Variants in DNAH7 observed in about 807,000 individuals in gnomAD.
DNAH7 encodes the protein axonemal beta dynein heavy chain 7.
In DNAH7, 397 loss-of-function variants were observed where a neutral mutation model predicts 444.6. The observed-to-expected ratio is 0.89, with a 90% CI of 0.82 to 0.97. The LOEUF (loss-of-function observed/expected upper bound fraction) is 0.97, where lower values mean the gene tolerates loss of function less well. DNAH7 is among the 50% of genes least tolerant of loss of function. The pLI is 0.00. For synonymous variants in DNAH7, 1,636 were observed against 1,624.4 expected (o/e 1.01, Z -0.17); for missense variants, 4,902 against 4,800.8 (o/e 1.02, Z -0.62).
intron 12 of DNAH7, among the ~76,000 whole-genome samples, chr2:195,989,615 C>T (rs767701290): frequency 6.6e-6 from 1 of 152,066 alleles, no homozygotes; most frequent in Non-Finnish European, 1.5e-5. Flanking sequence ...AATATATGTC[C>T]CTGCCAAATC....
intron 52 of DNAH7, 134 bp downstream of exon 52, chr2:195,809,611 C>T: frequency 1.3e-6 from 1 of 798,504 alleles, no homozygotes; most frequent in Admixed American, 4.6e-5. Context: ...TAACATCTTG[C>T]CTTAACTATA....
chr2:195,907,136 T>A (rs936164021), intron 25 of DNAH7, 127 bp from the exon 26 acceptor site: 5 of 660,388 alleles, frequency 7.6e-6, no homozygotes, highest in African/African-American at 1.8e-5. Flanking sequence ...TTCGCCTTTA[T>A]CTTTAAAGGC....
intron 19 of DNAH7, among the ~76,000 whole-genome samples, chr2:195,937,694 T>A (rs1689148034): frequency 6.6e-6 from 1 of 152,162 alleles, no homozygotes; most frequent in South Asian, 2.1e-4. Context: ...TCTTTTTACT[T>A]TTTTTTCTTT....
chr2:196,036,272 G>A (rs1376119205), intron 5 of DNAH7, among the ~76,000 whole-genome samples: 2 of 152,054 alleles, frequency 1.3e-5, no homozygotes, highest in Non-Finnish European at 2.9e-5. Context: ...GACCTCAGGT[G>A]ATCTGTCCAC....
At chr2:195,866,657 A>G (rs1194669731) in intron 40 of DNAH7, among the ~76,000 whole-genome samples, 2 of 152,274 alleles carry the variant, frequency 1.3e-5, no homozygotes, top group Non-Finnish European at 2.9e-5. Flanking sequence ...TGAGGTACTT[A>G]TTCAAAATGC....
chr2:195,971,628 A>C (rs1691848909), intron 16 of DNAH7, among the ~76,000 whole-genome samples: 1 of 152,138 alleles, frequency 6.6e-6, no homozygotes, highest in Non-Finnish European at 1.5e-5. Context: ...AATGTGCAGG[A>C]GACAAGAAGC....
intron 47 of DNAH7, 120 bp downstream of exon 47, chr2:195,844,882 C>T: frequency 1.3e-6 from 1 of 791,932 alleles, no homozygotes; most frequent in Non-Finnish European, 1.9e-6. Flanking sequence ...CTTAATTTCA[C>T]TAATTAGTTA....
chr2:195,850,320 G>A (rs1346438302), intron 46 of DNAH7, among the ~76,000 whole-genome samples: 1 of 151,304 alleles, frequency 6.6e-6, no homozygotes, highest in African/African-American at 2.4e-5. Flanking sequence ...AGAGATGGTA[G>A]AAGTGGAAAA....
intron 52 of DNAH7, among the ~76,000 whole-genome samples, 184 bp from the exon 53 acceptor site, chr2:195,809,060 G>A (rs1696839643): frequency 6.6e-6 from 1 of 152,160 alleles, no homozygotes; most frequent in African/African-American, 2.4e-5. Context: ...ATGATAACCA[G>A]TTTTCAAAAT....
At chr2:195,984,375 G>A (rs1692770540) in intron 15 of DNAH7, among the ~76,000 whole-genome samples, 1 of 152,034 alleles carries the variant, frequency 6.6e-6, no homozygotes, top group Admixed American at 6.5e-5. Flanking sequence ...TTGAGACAGA[G>A]TATTGCTGTG....
intron 25 of DNAH7, among the ~76,000 whole-genome samples, chr2:195,907,552 T>C (rs192841265): frequency 6.6e-6 from 1 of 152,286 alleles, no homozygotes; most frequent in East Asian, 1.9e-4. Flanking sequence ...AGATCTACTT[T>C]TAAAAACATC....
intron 5 of DNAH7, among the ~76,000 whole-genome samples, chr2:196,038,743 A>G (rs1055797176): frequency 1.3e-5 from 2 of 152,206 alleles, no homozygotes; most frequent in East Asian, 1.9e-4. Context: ...CTATACTTCT[A>G]TCAGACAAAA....
intron 19 of DNAH7, among the ~76,000 whole-genome samples, chr2:195,943,635 G>A (rs150145820): frequency 1.2e-3 from 184 of 152,200 alleles, no homozygotes; most frequent in Non-Finnish European, 2.2e-3. Context: ...GGTAGTCTCC[G>A]ATAGTAATTC....
At chr2:195,820,521 A>T (rs923435073) in intron 49 of DNAH7, among the ~76,000 whole-genome samples, 3 of 152,138 alleles carry the variant, frequency 2.0e-5, no homozygotes, top group Non-Finnish European at 2.9e-5. Context: ...CAAAAATTTC[A>T]GCAACTACCA....
intron 15 of DNAH7, among the ~76,000 whole-genome samples, chr2:195,973,474 TG>T (rs1691983882): frequency 1.3e-5 from 2 of 152,122 alleles, no homozygotes; most frequent in Non-Finnish European, 2.9e-5. Flanking sequence ...GTTTTGTTTT[TG>T]TTTTTGTTTT....
chr2:195,922,093 A>G lies in DNAH7; in HGVS notation c.3930T>C (p.Cys1310=). The G allele has an allele frequency of 6.3e-7, 1 of 1,575,066 alleles. No individual in the cohort carries two copies. Among genetic ancestry groups the G allele is most frequent in the Non-Finnish European group, 8.7e-7 (1 of 1,144,724 alleles). ...RLVITPLTDR[C]YRTLFGALHL... ...CCTTAAATTAAAGGGTTTACCTGTA[A>G]CATCTATCCGTGAGTGGTGTAATAA... Residue 1310 remains cysteine (C), a synonymous_variant, in exon 24 of 65, where the codon TGT becomes TGC. Transcript: ENST00000312428.
rs574019228 is a variant in DNAH7, at chr2:195,973,715, G to A, written c.1834-1249C>T. 6.1e-4 allele frequency among the ~76,000 whole-genome samples: 92 copies of A among 152,010 alleles called. 1 individual carries two copies. The highest frequency in any genetic ancestry group is 2.2e-3 in the African/African-American group (92 of 41,470). Reference sequence around the variant, plus strand: ...TCGAACTCCTAATCTCAGGTGATCCGCCCACCTCAGCCTCCCCAAATGCTG... The same window carrying A: ...TCGAACTCCTAATCTCAGGTGATCCACCCACCTCAGCCTCCCCAAATGCTG... On this transcript the variant is annotated intron_variant, in intron 15 of 64. Coordinates refer to ENST00000312428, the MANE Select transcript of DNAH7 (RefSeq NM_018897.3).
rs1357281045 is a variant in DNAH7, at chr2:195,954,110, T to C, written c.3078+3151A>G. Among the ~76,000 whole-genome samples, 5 of 152,182 alleles carry C rather than the reference T, an allele frequency of 3.3e-5. No individual in the cohort carries two copies. In the South Asian group the frequency reaches 6.2e-4, roughly 19 times the overall value. On this transcript the variant is annotated intron_variant, in intron 19 of 64. Transcript: ENST00000312428. ...GTTACATATGTATACATGTGCCATG[T>C]TGGTGTGCTGCACCCATTAACTCGT...
chr2:195,847,930 G>A (rs1396687398), intron 46 of DNAH7, among the ~76,000 whole-genome samples: 9 of 152,154 alleles, frequency 5.9e-5, no homozygotes, highest in East Asian at 3.8e-4. Flanking sequence ...TCAGGAACCC[G>A]GGCGGTACTA....
Sources: allele counts gnomAD v4.1 joint callset (sites outside exome capture counted in the v4.1 genomes callset), GRCh38; gene constraint gnomAD v4.1.1; transcripts MANE v1.5; gene names NCBI Gene and HGNC (gene_info 2026-07-23, HGNC 2026-07-21).